The following CPLANE1 variants were observed in gnomAD, a reference collection of about 807,000 sequenced individuals.
The protein encoded by CPLANE1 is ciliogenesis and planar polarity effector 1.
CPLANE1 carries 263 observed loss-of-function variants against 362.5 expected under a neutral mutation model. The observed-to-expected ratio is 0.73, with a 90% CI of 0.66 to 0.80. The LOEUF is 0.80. Among genes scored for constraint, CPLANE1 ranks in the 30% least tolerant of loss-of-function variants. The pLI is 0.00. For missense variants in CPLANE1, 3,461 were observed against 3,793.4 expected, an observed-to-expected ratio of 0.91 and a Z score of 2.30; for synonymous variants, 1,212 against 1,302.6, an observed-to-expected ratio of 0.93 and a Z score of 1.50.
chr5:37,202,945 T>C (rs1380595000), intron 18 of CPLANE1, among the ~76,000 whole-genome samples: 1 of 150,570 alleles, frequency 6.6e-6, no homozygotes, highest in Non-Finnish European at 1.5e-5. Context: ...ATATTTTATA[T>C]ATATATATGT....
chr5:37,164,541 T>C (rs1354201109), intron 36 of CPLANE1, among the ~76,000 whole-genome samples: 1 of 152,124 alleles, frequency 6.6e-6, no homozygotes, highest in African/African-American at 2.4e-5. Flanking sequence ...AAAAGAGCAT[T>C]ACCAATTTAA....
At chr5:37,237,872 C>T (rs1402371246) in intron 8 of CPLANE1, among the ~76,000 whole-genome samples, 1 of 151,696 alleles carries the variant, frequency 6.6e-6, no homozygotes, top group African/African-American at 2.4e-5. Context: ...GTATTTAAGG[C>T]CTTCCTTATA....
Position 37,224,278 on chromosome 5 carries a change from T to A in CPLANE1, c.2556A>T (p.Lys852Asn). The A allele has an allele frequency of 6.5e-7, 1 of 1,548,400 alleles. No individual in the cohort carries two copies. The highest frequency in any genetic ancestry group is 8.7e-7 in the Non-Finnish European group (1 of 1,145,218). ...SYEKSVQLWK[K>N]ALQEIEEKGG... is the part of the protein sequence containing the mutation. ...CTTTCTCTTCGATTTCTTGTAGAGC[T>A]TTTTTCCACAGCTGAACAGACTTTT... Residue 852 changes from lysine (K) to asparagine (N), a missense_variant, in exon 14 of 53, where the codon AAA becomes AAT. Around this residue, in one of 2 missense-constraint regions of CPLANE1, gnomAD observed 3,380 missense variants for 3,666.1 expected, o/e 0.92. Coordinates refer to ENST00000651892, the MANE Select transcript of CPLANE1 (RefSeq NM_001384732.1).
intron 38 of CPLANE1, 28 bp downstream of exon 38, chr5:37,162,437 T>C: frequency 2.1e-6 from 3 of 1,415,832 alleles, no homozygotes; most frequent in Non-Finnish European, 2.0e-6. Flanking sequence ...AATATATGAA[T>C]TTTTTTAAAA....
intron 38 of CPLANE1, among the ~76,000 whole-genome samples, chr5:37,159,267 G>A (rs375246648): frequency 1.4e-5 from 2 of 147,414 alleles, no homozygotes; most frequent in Admixed American, 6.8e-5. Flanking sequence ...GCCCGCCACC[G>A]CGCCCGGCTA....
rs372660842 is a variant in CPLANE1, at chr5:37,162,436, A to G, written c.7690+29T>C. ...AACTTAATTGTATCAAAATATATGA[A>G]TTTTTTTAAAAAGTAAAACAGCATT... On this transcript the variant is annotated intron_variant, in intron 38 of 52. Transcript: ENST00000651892. 3.7e-4 allele frequency: 517 copies of G among 1,403,436 alleles called. No individual in the cohort carries two copies. The Middle Eastern group carries it at 4.2e-3, about 11-fold the overall frequency. The allele number at this position is 1,403,436 out of a possible 1,614,324, so 86.9% of individuals were successfully genotyped here.
At chr5:37,137,846 T>A (rs941182663) in intron 46 of CPLANE1, among the ~76,000 whole-genome samples, 8 of 151,976 alleles carry the variant, frequency 5.3e-5, no homozygotes, top group African/African-American at 1.9e-4. Flanking sequence ...CACATGGGAA[T>A]TATGGGAACT....
chr5:37,205,373 A>G lies in CPLANE1; in HGVS notation c.3231T>C (p.Gly1077=). 6.4e-7 allele frequency: 1 copy of G among 1,551,208 alleles called. No homozygotes were observed. The highest frequency in any genetic ancestry group is 8.7e-7 in the Non-Finnish European group (1 of 1,146,726). ...IFQEKLQCVL[G]QPASLEAKNE... is the part of the protein sequence containing the mutation. Reference sequence around the variant, plus strand: ...TTTTTGCTTCCAAAGAGGCTGGTTGACCTAAAACACACTGCAGTTTTTCCT... The same window carrying G: ...TTTTTGCTTCCAAAGAGGCTGGTTGGCCTAAAACACACTGCAGTTTTTCCT... Residue 1077 remains glycine (G), a synonymous_variant, in exon 18 of 53, where the codon GGT becomes GGC. Coordinates refer to ENST00000651892, the MANE Select transcript of CPLANE1 (RefSeq NM_001384732.1).
rs1279121020 is a variant in CPLANE1, at chr5:37,120,447, A to G, written c.9186-107T>C. 6 of 912,646 alleles carry G rather than the reference A, an allele frequency of 6.6e-6. No homozygotes were observed. The East Asian group carries it at 1.9e-4, about 29-fold the overall frequency. 56.5% of individuals were successfully genotyped at this position (912,646 alleles called of 1,614,324 possible). On this transcript the variant is annotated intron_variant, in intron 49 of 52. Coordinates refer to ENST00000651892, the MANE Select transcript of CPLANE1 (RefSeq NM_001384732.1). ...AAGCTGGGCACAGTAGTGCAAGCCT[A>G]TAGCCCCAGCTACTGGCGAGGGTGG...
chr5:37,129,762 C>T (rs1242613485), intron 46 of CPLANE1, among the ~76,000 whole-genome samples: 3 of 152,062 alleles, frequency 2.0e-5, no homozygotes, highest in Non-Finnish European at 2.9e-5. Context: ...GGCAGGGATG[C>T]GGTTAAAAGG....
Position 37,213,730 on chromosome 5 carries a change from C to T in CPLANE1, c.2749G>A (p.Ala917Thr). 6.7e-7 allele frequency: 1 copy of T among 1,493,336 alleles called. No homozygotes were observed. The highest frequency in any genetic ancestry group is 1.4e-5 in the South Asian group (1 of 74,034). 92.5% of individuals were successfully genotyped at this position (1,493,336 alleles called of 1,614,324 possible). A position where few individuals can be genotyped will look rare whatever the true frequency, so the allele number is the denominator to read the frequency against. ...CCACACTCAAAATGAGACTTTGCAG[C>T]ACCTAAGGAATACAGCAATGACCTA... ...PVKENKDFSG[A>T]AKSHFECGMV... The change falls in exon 16 of 53, where the codon GCT (alanine) becomes ACT (threonine). Residue 917 changes from alanine (A) to threonine (T), a missense_variant and splice_region_variant. Physicochemically the swap from Ala to Thr is moderately conservative, Grantham distance 58. This residue lies in a region of CPLANE1 where 3,380 missense variants were observed against 3,666.1 expected (regional missense o/e 0.92). Transcript: ENST00000651892.
intron 14 of CPLANE1, among the ~76,000 whole-genome samples, chr5:37,223,154 T>C (rs539934530): frequency 1.3e-5 from 2 of 152,360 alleles, no homozygotes; most frequent in South Asian, 4.1e-4. Flanking sequence ...CCTACTAAAC[T>C]ACTTGAAGTT....
chr5:37,081,348 T>C, the CPLANE1 span, among the ~76,000 whole-genome samples: 1 of 152,090 alleles, frequency 6.6e-6, no homozygotes, highest in Non-Finnish European at 1.5e-5. Context: ...AGAGTCTCTC[T>C]CTCTCTCTCT....
chr5:37,136,327 C>T (rs964002513), intron 46 of CPLANE1, among the ~76,000 whole-genome samples: 2 of 152,226 alleles, frequency 1.3e-5, no homozygotes, highest in African/African-American at 4.8e-5. Flanking sequence ...CCAAAATGAT[C>T]TTCTTTGACT....
At chr5:37,163,632 C>T (rs1777461269) in intron 37 of CPLANE1, among the ~76,000 whole-genome samples, 1 of 152,204 alleles carries the variant, frequency 6.6e-6, no homozygotes, top group African/African-American at 2.4e-5. Context: ...GTTTCTTGCA[C>T]ACAGGTCCTC....
chr5:37,108,982 T>G (rs1356911132), intron 51 of CPLANE1, among the ~76,000 whole-genome samples: 2 of 152,224 alleles, frequency 1.3e-5, no homozygotes, highest in Non-Finnish European at 2.9e-5. Context: ...AAAAGAAATT[T>G]TCATTCCAGC....
chr5:37,187,852 G>C lies in CPLANE1; in HGVS notation c.3812-10C>G, dbSNP rs756437185. On this transcript the variant is annotated splice_polypyrimidine_tract_variant and intron_variant, in intron 21 of 52. Coordinates refer to ENST00000651892, the MANE Select transcript of CPLANE1 (RefSeq NM_001384732.1). ...AGTTCTCTGAAGCAACCTAAAGCAG[G>C]AACACAAATATGAAAGAAAATCACA... 6.3e-7 allele frequency: 1 copy of C among 1,595,666 alleles called. No individual in the cohort carries two copies. The highest frequency in any genetic ancestry group is 8.6e-7 in the Non-Finnish European group (1 of 1,166,746).
intron 34 of CPLANE1, among the ~76,000 whole-genome samples, chr5:37,167,788 CA>C (rs70976281): frequency 5.3e-5 from 8 of 151,174 alleles, no homozygotes; most frequent in Non-Finnish European, 1.0e-4. Flanking sequence ...TACATAAAAA[CA>C]AAAAAAACCT....
chr5:37,108,258 A>G, intron 52 of CPLANE1, 35 bp downstream of exon 52: 1 of 1,573,698 alleles, frequency 6.4e-7, no homozygotes, highest in East Asian at 2.2e-5. Context: ...ACATAGAGCA[A>G]TCACTAGACA....
Sources: gnomAD v4.1 joint callset for allele counts (sites outside exome capture counted in the v4.1 genomes callset) on GRCh38, gnomAD v4.1.1 for gene constraint, gnomAD v4.1.1 regional missense constraint, MANE v1.5 for transcripts, NCBI Gene and HGNC (gene_info 2026-07-23, HGNC 2026-07-21) for gene names.